Variants in TP63 observed in about 807,000 individuals in gnomAD.
TP63 encodes the protein tumor protein p63, also known as tumor protein 63.
A neutral mutation model predicts 82.8 loss-of-function variants in TP63; 17 were observed. That is an observed-to-expected ratio of 0.21 (90% CI 0.14 to 0.31). The LOEUF is 0.31. TP63 is among the 10% of genes least tolerant of loss of function. TP63 has a pLI of 1.00. For missense variants in TP63, 648 were observed against 895.3 expected (o/e 0.72, Z 3.52); for synonymous variants, 330 against 321.7 (o/e 1.03, Z -0.28).
intron 4 of TP63, among the ~76,000 whole-genome samples, chr3:189,841,187 T>C (rs1325150868): frequency 1.3e-5 from 2 of 152,168 alleles, no homozygotes; most frequent in African/African-American, 4.8e-5. Flanking sequence ...GGGCCCTGAA[T>C]TTAAAGTTAA....
the TP63 span, among the ~76,000 whole-genome samples, chr3:189,606,574 C>T: frequency 0.015 from 2,091 of 135,444 alleles, 41 homozygotes; most frequent in African/African-American, 0.047. Context: ...AGGGCAGTGG[C>T]GCACTCTTGG....
At chr3:189,771,948 G>A (rs1256712706) in intron 3 of TP63, among the ~76,000 whole-genome samples, 1 of 152,134 alleles carries the variant, frequency 6.6e-6, no homozygotes, top group Non-Finnish European at 1.5e-5. Flanking sequence ...TAGCATTTCG[G>A]AAACTGTTGA....
At chr3:189,887,950 A>G (rs1720636546) in intron 11 of TP63, among the ~76,000 whole-genome samples, 2 of 148,644 alleles carry the variant, frequency 1.3e-5, no homozygotes, top group South Asian at 2.2e-4. Context: ...TCTGCCTCCC[A>G]GGTTCAAGTG....
intron 9 of TP63, among the ~76,000 whole-genome samples, chr3:189,872,295 T>G (rs2108816724): frequency 6.6e-6 from 1 of 152,230 alleles, no homozygotes; most frequent in African/African-American, 2.4e-5. Flanking sequence ...TCGTTTGTTG[T>G]GTGTTTCTGT....
chr3:189,702,666 GA>G (rs959821924), intron 1 of TP63, among the ~76,000 whole-genome samples: 1 of 152,202 alleles, frequency 6.6e-6, no homozygotes, highest in Admixed American at 6.5e-5. Context: ...GGTTACCATG[GA>G]TGCTACACTG....
chr3:189,689,093 T>A (rs1355902249), intron 1 of TP63, among the ~76,000 whole-genome samples: 1 of 124,160 alleles, frequency 8.1e-6, no homozygotes, highest in Non-Finnish European at 1.7e-5. Flanking sequence ...AGCATTCAAA[T>A]CTACCTTTTT....
chr3:189,884,312 G>A (rs1327963313), intron 10 of TP63, among the ~76,000 whole-genome samples: 2 of 152,192 alleles, frequency 1.3e-5, no homozygotes, highest in Non-Finnish European at 2.9e-5. Context: ...CTTGGTAGTA[G>A]CTGGAGTTAC....
At chr3:189,698,957 A>G (rs1717599901) in intron 1 of TP63, among the ~76,000 whole-genome samples, 1 of 152,204 alleles carries the variant, frequency 6.6e-6, no homozygotes, top group Non-Finnish European at 1.5e-5. Flanking sequence ...AATAACAGAC[A>G]TGAATGCAAG....
intron 3 of TP63, among the ~76,000 whole-genome samples, chr3:189,791,149 C>A (rs2108595496): frequency 6.6e-6 from 1 of 152,190 alleles, no homozygotes; most frequent in East Asian, 1.9e-4. Context: ...CTATTGGATC[C>A]AATTTTGTCC....
At chr3:189,863,551 G>T (rs1409646618) in intron 4 of TP63, among the ~76,000 whole-genome samples, 1 of 152,150 alleles carries the variant, frequency 6.6e-6, no homozygotes, top group Admixed American at 6.6e-5. Context: ...TCCTTTCTGT[G>T]CCATGATTAG....
chr3:189,654,625 A>T (rs1920251), intron 1 of TP63, among the ~76,000 whole-genome samples: 138,499 of 152,246 alleles, frequency 0.91, 64,491 homozygotes, highest in East Asian at 1. Flanking sequence ...GATATGCTAA[A>T]GTTATAATGG....
At chr3:189,717,918 A>G (rs1165686600) in intron 1 of TP63, among the ~76,000 whole-genome samples, 1 of 152,256 alleles carries the variant, frequency 6.6e-6, no homozygotes. Flanking sequence ...GTTAATGTGG[A>G]AAAATGAGAA....
chr3:189,688,985 C>A (rs762511637), intron 1 of TP63, among the ~76,000 whole-genome samples: 5 of 150,664 alleles, frequency 3.3e-5, no homozygotes, highest in Admixed American at 1.3e-4. Context: ...CTGCTTGATT[C>A]ACAACATGAA....
upstream of TP63, among the ~76,000 whole-genome samples, chr3:189,627,506 A>G (rs1224732577): frequency 6.6e-6 from 1 of 152,200 alleles, no homozygotes; most frequent in Non-Finnish European, 1.5e-5. Context: ...AGTAGCCAGT[A>G]GCCTCACATG....
intron 4 of TP63, among the ~76,000 whole-genome samples, chr3:189,856,092 C>T (rs1436073156): frequency 2.0e-5 from 3 of 151,462 alleles, no homozygotes; most frequent in Non-Finnish European, 4.4e-5. Flanking sequence ...CAACTGAGTA[C>T]TTAATTTAAT....
At chr3:189,841,287 G>A (rs145784862) in intron 4 of TP63, among the ~76,000 whole-genome samples, 6 of 152,248 alleles carry the variant, frequency 3.9e-5, no homozygotes, top group Admixed American at 1.3e-4. Flanking sequence ...GACAGAAAGG[G>A]AATACAGGTG....
Position 189,894,168 on chromosome 3 carries a change from T to C in TP63, c.1747-38T>C, listed in dbSNP as rs1484446073. 5 of 1,613,844 alleles carry C rather than the reference T, an allele frequency of 3.1e-6. No homozygotes were observed. In the South Asian group the frequency reaches 3.3e-5, roughly 11 times the overall value. On this transcript the variant is annotated intron_variant, in intron 13 of 13. Transcript: ENST00000264731. ...TGGACTAAATGTCCGTTTTTCTCCC[T>C]GTTTTCATTCTCCATGACACCTTCC...
intron 3 of TP63, chr3:189,789,569 T>G: frequency 1.1e-6 from 1 of 940,592 alleles, no homozygotes; most frequent in Non-Finnish European, 1.4e-6. Flanking sequence ...GGAGTCCAGG[T>G]GGAAGTTGAT....
At chr3:189,680,935 G>A (rs778723299) in intron 1 of TP63, among the ~76,000 whole-genome samples, 32 of 152,292 alleles carry the variant, frequency 2.1e-4, no homozygotes, top group Middle Eastern at 6.8e-3. Flanking sequence ...AGGGCTGGCT[G>A]GCCTGGTGCC....
Sources: allele counts gnomAD v4.1 joint callset (sites outside exome capture counted in the v4.1 genomes callset), GRCh38; gene constraint gnomAD v4.1.1; transcripts MANE v1.5; gene names NCBI Gene and HGNC (gene_info 2026-07-23, HGNC 2026-07-21).